Variants in CENPW observed in about 807,000 individuals in gnomAD.
The protein encoded by CENPW is centromere protein W.
A neutral mutation model predicts 11.1 loss-of-function variants in CENPW; 3 were observed. That is an observed-to-expected ratio of 0.27 (90% CI 0.12 to 0.70). The LOEUF (loss-of-function observed/expected upper bound fraction) is 0.70, where lower values mean the gene tolerates loss of function less well. CENPW is among the 30% of genes least tolerant of loss of function. The pLI is 0.77. For synonymous variants in CENPW, 38 were observed against 42.0 expected (o/e 0.91, Z 0.37); for missense variants, 100 against 105.6 (o/e 0.95, Z 0.23).
the CENPW span, among the ~76,000 whole-genome samples, chr6:126,438,889 T>C: frequency 1.3e-5 from 2 of 151,802 alleles, no homozygotes; most frequent in Non-Finnish European, 2.9e-5. Context: ...AATTATCTTA[T>C]GTTTCTTTAA....
chr6:126,385,947 A>C, the CENPW span, among the ~76,000 whole-genome samples: 1 of 152,142 alleles, frequency 6.6e-6, no homozygotes, highest in Non-Finnish European at 1.5e-5. Flanking sequence ...AGAAGAGATT[A>C]GTTCAATAGG....
chr6:126,394,566 C>A, the CENPW span, among the ~76,000 whole-genome samples: 1 of 152,174 alleles, frequency 6.6e-6, no homozygotes, highest in African/African-American at 2.4e-5. Flanking sequence ...AGTTTACACA[C>A]CACAATTACA....
chr6:126,478,772 A>AT, the CENPW span, among the ~76,000 whole-genome samples: 3 of 152,032 alleles, frequency 2.0e-5, no homozygotes, highest in Non-Finnish European at 4.4e-5. Flanking sequence ...GATGGCTCAC[A>AT]GCTATGCTGT....
chr6:126,428,673 G>T, the CENPW span, among the ~76,000 whole-genome samples: 1 of 152,084 alleles, frequency 6.6e-6, no homozygotes, highest in African/African-American at 2.4e-5. Context: ...AAGTCTAAAG[G>T]CCTCTTCCTC....
the CENPW span, among the ~76,000 whole-genome samples, chr6:126,461,624 A>C: frequency 1.3e-5 from 2 of 151,892 alleles, no homozygotes; most frequent in Non-Finnish European, 2.9e-5. Flanking sequence ...AAATTTTGAT[A>C]TGAGAAATAA....
the CENPW span, among the ~76,000 whole-genome samples, chr6:126,479,209 T>C: frequency 6.6e-6 from 1 of 151,992 alleles, no homozygotes; most frequent in Non-Finnish European, 1.5e-5. Context: ...TTTTAATCCA[T>C]TTTTATTTCC....
the CENPW span, among the ~76,000 whole-genome samples, chr6:126,362,842 C>T: frequency 2.0e-5 from 3 of 152,006 alleles, no homozygotes; most frequent in African/African-American, 7.2e-5. Flanking sequence ...AAGATTCATA[C>T]TGGAAACACT....
the CENPW span, among the ~76,000 whole-genome samples, chr6:126,464,732 A>T: frequency 6.6e-6 from 1 of 152,112 alleles, no homozygotes; most frequent in Non-Finnish European, 1.5e-5. Context: ...ACTATCCATC[A>T]CTGGCTTCCT....
chr6:126,424,299 A>G, the CENPW span, among the ~76,000 whole-genome samples: 1 of 152,160 alleles, frequency 6.6e-6, no homozygotes, highest in African/African-American at 2.4e-5. Flanking sequence ...TGAGTTAGTC[A>G]TGACATATTT....
chr6:126,365,640 A>C, the CENPW span, among the ~76,000 whole-genome samples: 9 of 152,226 alleles, frequency 5.9e-5, no homozygotes, highest in East Asian at 3.8e-4. Flanking sequence ...ACACAGAAGC[A>C]GACCATAGCA....
the CENPW span, among the ~76,000 whole-genome samples, chr6:126,470,825 T>G: frequency 6.6e-6 from 1 of 152,200 alleles, no homozygotes; most frequent in South Asian, 2.1e-4. Flanking sequence ...CTCACTGAAT[T>G]TTGGACTTGC....
chr6:126,419,911 C>T, the CENPW span, among the ~76,000 whole-genome samples: 1 of 152,104 alleles, frequency 6.6e-6, no homozygotes, highest in East Asian at 1.9e-4. Context: ...TTTCCAGATC[C>T]TTAACCCAGT....
the CENPW span, among the ~76,000 whole-genome samples, chr6:126,440,570 A>T: frequency 1.3e-5 from 2 of 151,618 alleles, no homozygotes; most frequent in Admixed American, 6.6e-5. Context: ...AAAGAAGTAT[A>T]TGCTAATATA....
chr6:126,411,872 C>T, the CENPW span, among the ~76,000 whole-genome samples: 4 of 151,068 alleles, frequency 2.6e-5, no homozygotes, highest in African/African-American at 4.9e-5. Flanking sequence ...TCCTTTTTTC[C>T]TTCCTTCCGT....
At chr6:126,386,808 A>T in the CENPW span, among the ~76,000 whole-genome samples, 1 of 151,990 alleles carries the variant, frequency 6.6e-6, no homozygotes, top group Non-Finnish European at 1.5e-5. Flanking sequence ...ACATAGTCTA[A>T]TTATAGTAAA....
the CENPW span, among the ~76,000 whole-genome samples, chr6:126,419,873 A>G: frequency 6.6e-6 from 1 of 152,152 alleles, no homozygotes; most frequent in African/African-American, 2.4e-5. Context: ...TATTGAGTCA[A>G]TCTGGAAAAT....
the CENPW span, among the ~76,000 whole-genome samples, chr6:126,402,820 CATGT>C: frequency 6.6e-6 from 1 of 151,906 alleles, no homozygotes; most frequent in African/African-American, 2.4e-5. Flanking sequence ...TATGAATATT[CATGT>C]ACAAAGCAGG....
At chr6:126,345,690 A>T (rs982448339) in intron 1 of CENPW, among the ~76,000 whole-genome samples, 3 of 150,272 alleles carry the variant, frequency 2.0e-5, no homozygotes, top group Non-Finnish European at 4.4e-5. Flanking sequence ...TGACCTTTGT[A>T]CATACACTTT....
the CENPW span, among the ~76,000 whole-genome samples, chr6:126,456,173 G>T: frequency 1.3e-5 from 2 of 151,066 alleles, no homozygotes; most frequent in Non-Finnish European, 3.0e-5. Flanking sequence ...ATCAAACTAT[G>T]AATGGGATTC....
Sources: gnomAD v4.1 joint callset for allele counts (sites outside exome capture counted in the v4.1 genomes callset) on GRCh38, gnomAD v4.1.1 for gene constraint, MANE v1.5 for transcripts, NCBI Gene and HGNC (gene_info 2026-07-23, HGNC 2026-07-21) for gene names.